The following IL1RL1 variants were observed in gnomAD, a reference collection of about 807,000 sequenced individuals.
IL1RL1 encodes the protein interleukin 1 receptor like 1, also known as interleukin-1 receptor-like 1.
A neutral mutation model predicts 50.9 loss-of-function variants in IL1RL1; 32 were observed. The observed-to-expected ratio is 0.63, with a 90% CI of 0.47 to 0.84. The LOEUF is 0.84. Ranked by LOEUF, IL1RL1 falls within the 40% of genes least tolerant of loss-of-function variation. The probability of loss-of-function intolerance (pLI) is 0.00; values close to 1 mark genes in which losing one functional copy is unlikely to be tolerated. For synonymous variants in IL1RL1, 275 were observed against 236.0 expected (o/e 1.17, Z -1.51); for missense variants, 773 against 662.9 (o/e 1.17, Z -1.82).
intron 10 of IL1RL1, among the ~76,000 whole-genome samples, 200 bp downstream of exon 10, chr2:102,349,446 C>T (rs1302503461): frequency 7.9e-5 from 12 of 152,180 alleles, no homozygotes; most frequent in Admixed American, 7.9e-4. Context: ...ATGAGATCTT[C>T]ACAGTAATGT....
At chr2:102,323,626 C>T (rs1450969876) in intron 1 of IL1RL1, among the ~76,000 whole-genome samples, 1 of 151,928 alleles carries the variant, frequency 6.6e-6, no homozygotes, top group Non-Finnish European at 1.5e-5. Context: ...TAACAGCCAG[C>T]TCCCATGGGA....
Position 102,348,044 on chromosome 2 carries a change from C to T in IL1RL1, c.1070C>T (p.Ala357Val). 1.2e-6 allele frequency: 2 copies of T among 1,612,204 alleles called. No individual in the cohort carries two copies. The highest frequency in any genetic ancestry group is 1.7e-6 in the Non-Finnish European group (2 of 1,178,242). ...VIILKMFWIE[A>V]TLLWRDIAKP... ...ATCCTAAAAATGTTCTGGATTGAGG[C>T]CACTCTGCTCTGGAGAGACATAGCT... Residue 357 changes from alanine (A) to valine (V), a missense_variant, in exon 9 of 11, where the codon GCC becomes GTC. Coordinates refer to ENST00000233954, the MANE Select transcript of IL1RL1 (RefSeq NM_016232.5).
intron 1 of IL1RL1, among the ~76,000 whole-genome samples, chr2:102,327,329 A>T (rs1677038761): frequency 6.6e-6 from 1 of 151,922 alleles, no homozygotes; most frequent in African/African-American, 2.4e-5. Flanking sequence ...ACAACATACC[A>T]GAATCTCTGG....
chr2:102,314,474 G>A (rs1676615573), intron 1 of IL1RL1, among the ~76,000 whole-genome samples: 1 of 152,190 alleles, frequency 6.6e-6, no homozygotes, highest in Admixed American at 6.5e-5. Flanking sequence ...CCACCAAGAT[G>A]TAACTGAGAT....
intron 5 of IL1RL1, chr2:102,341,131 T>C (rs1331643306): frequency 3.0e-6 from 3 of 1,008,054 alleles, no homozygotes; most frequent in Admixed American, 5.3e-5. Context: ...CTTACTTTTT[T>C]TGAATGGCAA....
chr2:102,329,656 A>C (rs532436411), intron 1 of IL1RL1, among the ~76,000 whole-genome samples: 3 of 152,116 alleles, frequency 2.0e-5, no homozygotes, highest in African/African-American at 7.2e-5. Context: ...AAAACAAACA[A>C]CCCCATCAAA....
At chr2:102,329,413 C>G (rs1442079003) in intron 1 of IL1RL1, among the ~76,000 whole-genome samples, 3 of 152,130 alleles carry the variant, frequency 2.0e-5, no homozygotes, top group Non-Finnish European at 2.9e-5. Flanking sequence ...CAATACCATT[C>G]AGGACATAGG....
intron 8 of IL1RL1, chr2:102,346,098 C>T: frequency 1.1e-6 from 1 of 949,824 alleles, no homozygotes; most frequent in Non-Finnish European, 1.3e-6. Context: ...ATTACTACTG[C>T]TATTGAGTTG....
chr2:102,338,071 G>A, intron 1 of IL1RL1, 45 bp from the exon 2 acceptor site: 1 of 398,646 alleles, frequency 2.5e-6, no homozygotes, highest in East Asian at 3.9e-5. Flanking sequence ...AAAAATCATG[G>A]CTGATAAAAA....
intron 1 of IL1RL1, among the ~76,000 whole-genome samples, chr2:102,322,498 T>G (rs759564947): frequency 6.6e-6 from 1 of 152,202 alleles, no homozygotes; most frequent in African/African-American, 2.4e-5. Context: ...ATGAGGAGCT[T>G]GATGATAAAA....
intron 10 of IL1RL1, among the ~76,000 whole-genome samples, chr2:102,350,994 T>G (rs1167682926): frequency 1.3e-5 from 2 of 152,198 alleles, no homozygotes; most frequent in African/African-American, 4.8e-5. Flanking sequence ...GGGGATCTAT[T>G]GTCCCTTGAG....
intron 1 of IL1RL1, among the ~76,000 whole-genome samples, chr2:102,319,213 G>C (rs937959715): frequency 1.3e-5 from 2 of 151,860 alleles, no homozygotes; most frequent in African/African-American, 4.8e-5. Context: ...AAAATATCCT[G>C]AAGTGACTGT....
At chr2:102,325,552 C>A (rs1306684112) in intron 1 of IL1RL1, among the ~76,000 whole-genome samples, 1 of 152,036 alleles carries the variant, frequency 6.6e-6, no homozygotes, top group Admixed American at 6.6e-5. Flanking sequence ...TCAAACTACA[C>A]CGAGCTAAAG....
chr2:102,345,551 A>G (rs2104996521), intron 8 of IL1RL1: 2 of 985,416 alleles, frequency 2.0e-6, no homozygotes, highest in Admixed American at 6.1e-5. Context: ...ATACACAGAG[A>G]GAGGCACAAC....
chr2:102,351,371 C>T lies in IL1RL1; in HGVS notation c.1286-165C>T, dbSNP rs545326502. Among the ~76,000 whole-genome samples the T allele has an allele frequency of 5.9e-5, 9 of 152,236 alleles. No homozygotes were observed. The East Asian group carries it at 1.7e-3, about 29-fold the overall frequency. ...TCACAAATGAAAGGAACACAAAGAACAAAACGGGTTCTCTATCCACACATA... is the reference window on the plus strand; with the variant it reads ...TCACAAATGAAAGGAACACAAAGAATAAAACGGGTTCTCTATCCACACATA... On this transcript the variant is annotated intron_variant, in intron 10 of 10. Coordinates refer to ENST00000233954, the MANE Select transcript of IL1RL1 (RefSeq NM_016232.5).
At chr2:102,315,642 C>T (rs771152812) in intron 1 of IL1RL1, among the ~76,000 whole-genome samples, 5 of 152,112 alleles carry the variant, frequency 3.3e-5, no homozygotes, top group Non-Finnish European at 7.3e-5. Flanking sequence ...CTTTTCATTT[C>T]ACCTTTTTTT....
At chr2:102,337,090 G>A (rs1219213315) in intron 1 of IL1RL1, 3 of 152,118 alleles carry the variant, frequency 2.0e-5, no homozygotes, top group African/African-American at 7.2e-5. Flanking sequence ...CCTCTCAAGG[G>A]ATTACTCAAT....
Position 102,340,131 on chromosome 2 carries a change from C to T in IL1RL1, c.306C>T (p.Val102=). 1 of 1,579,340 alleles carries T rather than the reference C, an allele frequency of 6.3e-7. No individual in the cohort carries two copies. The highest frequency in any genetic ancestry group is 8.6e-7 in the Non-Finnish European group (1 of 1,161,554). ...PTFNRTGYAN[V]TIYKKQSDCN... ...TCAATAGGACTGGATATGCGAATGT[C>T]ACCATATATAAAAAACAATCAGATT... Residue 102 remains valine (V), a synonymous_variant, in exon 4 of 11, where the codon GTC becomes GTT. Transcript: ENST00000233954.
At chr2:102,323,929 A>G (rs1379425808) in intron 1 of IL1RL1, among the ~76,000 whole-genome samples, 3 of 152,112 alleles carry the variant, frequency 2.0e-5, no homozygotes, top group Non-Finnish European at 2.9e-5. Context: ...GTTTGGGAAC[A>G]TTATATAAAT....
Sources: gnomAD v4.1 joint callset for allele counts (sites outside exome capture counted in the v4.1 genomes callset) on GRCh38, gnomAD v4.1.1 for gene constraint, MANE v1.5 for transcripts, NCBI Gene and HGNC (gene_info 2026-07-23, HGNC 2026-07-21) for gene names.